Variants in CALN1 observed in about 807,000 individuals in gnomAD.
CALN1 encodes calneuron 1.
CALN1 carries 17 observed loss-of-function variants against 30.6 expected under a neutral mutation model. The ratio of observed to expected loss-of-function variants is 0.56; its 90% CI spans 0.38 to 0.83. The LOEUF (loss-of-function observed/expected upper bound fraction) is 0.83, where lower values mean the gene tolerates loss of function less well. CALN1 is among the 40% of genes least tolerant of loss of function. CALN1 has a pLI of 0.00. For synonymous variants in CALN1, 156 were observed against 131.4 expected (o/e 1.19, Z -1.28); for missense variants, 291 against 354.9 (o/e 0.82, Z 1.45).
rs918804901 is a variant in CALN1 at position 72,028,210 on chromosome 7, A to C, written c.389-4441T>G. 6.6e-5 allele frequency among the ~76,000 whole-genome samples: 10 copies of C among 152,210 alleles called. No homozygotes were observed. The South Asian group carries it at 1.7e-3, about 25-fold the overall frequency. ...TGTGGCAAAACCCATGCTTGCCAGCACCAGGAGAACGAGGCTGTCTTTGAA... is the reference window on the plus strand; with the variant it reads ...TGTGGCAAAACCCATGCTTGCCAGCCCCAGGAGAACGAGGCTGTCTTTGAA... On this transcript the variant is annotated intron_variant, in intron 4 of 6. Coordinates refer to ENST00000395275, the MANE Select transcript of CALN1 (RefSeq NM_031468.4).
At chr7:72,386,972 G>C (rs79906821) in intron 2 of CALN1, among the ~76,000 whole-genome samples, 8,589 of 151,254 alleles carry the variant, frequency 0.057, 314 homozygotes, top group South Asian at 0.11. Flanking sequence ...AGGGGACCTA[G>C]AAATAACAAT....
At chr7:72,402,219 C>A (rs1345554792) in intron 2 of CALN1, among the ~76,000 whole-genome samples, 1 of 152,196 alleles carries the variant, frequency 6.6e-6, no homozygotes. Flanking sequence ...CTGCCCTTGA[C>A]TTCTCAAATG....
At chr7:71,834,644 T>G (rs114069665) in intron 5 of CALN1, among the ~76,000 whole-genome samples, 2,882 of 152,294 alleles carry the variant, frequency 0.019, 100 homozygotes, top group African/African-American at 0.065. Context: ...GCACCAGTTT[T>G]AGTTCCCAGG....
intron 2 of CALN1, among the ~76,000 whole-genome samples, chr7:72,360,606 A>G (rs908304494): frequency 6.9e-6 from 1 of 145,186 alleles, no homozygotes; most frequent in Admixed American, 6.9e-5. Flanking sequence ...TTTCTTTTCT[A>G]TTTTTTTTTT....
intron 3 of CALN1, among the ~76,000 whole-genome samples, chr7:72,226,797 CT>C (rs1793707679): frequency 6.6e-6 from 1 of 152,176 alleles, no homozygotes; most frequent in Admixed American, 6.5e-5. Flanking sequence ...AATTCCAGCA[CT>C]TTGGGAGGCC....
At chr7:71,849,436 ATTTTT>A (rs3063933) in intron 5 of CALN1, among the ~76,000 whole-genome samples, 5 of 140,270 alleles carry the variant, frequency 3.6e-5, no homozygotes, top group African/African-American at 7.9e-5. Flanking sequence ...GGATCTTCCT[ATTTTT>A]TTTTTTTTTT....
Position 71,975,815 on chromosome 7 carries a change from C to T in CALN1, c.501+47842G>A, listed in dbSNP as rs555793474. ...CATGCCCCTTAATCCTCCCTCCATG[C>T]ACTAACTTTCACTCTCTTGCTCTTC... On this transcript the variant is annotated intron_variant, in intron 5 of 6. Transcript: ENST00000395275. Among the ~76,000 whole-genome samples the T allele has an allele frequency of 2.0e-5, 3 of 151,606 alleles. No homozygotes were observed. The South Asian group carries it at 6.3e-4, about 32-fold the overall frequency.
chr7:71,833,886 C>A (rs892263001), intron 5 of CALN1, among the ~76,000 whole-genome samples: 1 of 151,938 alleles, frequency 6.6e-6, no homozygotes, highest in South Asian at 2.1e-4. Context: ...CTAGCCTGGG[C>A]AGCAAAGTGA....
chr7:72,431,812 T>C (rs1807987828), intron 1 of CALN1, among the ~76,000 whole-genome samples: 2 of 130,972 alleles, frequency 1.5e-5, no homozygotes, highest in Admixed American at 8.7e-5. Context: ...ATTACACTAC[T>C]CCAACTGGGG....
intron 3 of CALN1, among the ~76,000 whole-genome samples, chr7:72,130,456 T>C (rs1809062441): frequency 1.3e-5 from 2 of 152,228 alleles, no homozygotes; most frequent in South Asian, 4.2e-4. Flanking sequence ...GATGGGTCGG[T>C]GGTATAGTGG....
In CALN1 at chr7:71,977,407, T is replaced by G. The variant is rs191205165; in HGVS notation, c.501+46250A>C. 7.2e-3 allele frequency among the ~76,000 whole-genome samples: 1,100 copies of G among 151,886 alleles called. 12 individuals carry two copies. Among genetic ancestry groups the G allele is most frequent in the Non-Finnish European group, 0.012 (805 of 67,900 alleles). On this transcript the variant is annotated intron_variant, in intron 5 of 6. Coordinates refer to ENST00000395275, the MANE Select transcript of CALN1 (RefSeq NM_031468.4). ...CTTTGATGGCACCACTGCACTCCAG[T>G]CTGGGCAACACAGCAAGACCCTGTT...
At chr7:72,015,548 C>T (rs1800330482) in intron 5 of CALN1, among the ~76,000 whole-genome samples, 1 of 151,844 alleles carries the variant, frequency 6.6e-6, no homozygotes, top group South Asian at 2.1e-4. Context: ...CCGACAATGT[C>T]CTCACCTCAG....
chr7:71,971,118 G>A (rs1327180767), intron 5 of CALN1, among the ~76,000 whole-genome samples: 1 of 152,168 alleles, frequency 6.6e-6, no homozygotes, highest in Non-Finnish European at 1.5e-5. Context: ...AGTAATGAGT[G>A]TGTCTGCTGG....
At chr7:72,361,593 A>G (rs975877449) in intron 2 of CALN1, among the ~76,000 whole-genome samples, 15 of 152,240 alleles carry the variant, frequency 9.9e-5, no homozygotes, top group African/African-American at 3.4e-4. Context: ...GTTTACCATA[A>G]TATCATACAC....
intron 5 of CALN1, among the ~76,000 whole-genome samples, chr7:71,923,051 C>T (rs6460695): frequency 0.47 from 71,695 of 151,024 alleles, 17,444 homozygotes; most frequent in East Asian, 0.53. Flanking sequence ...TACTATACAG[C>T]CAGCACATCC....
Position 72,106,137 on chromosome 7 carries a change from T to C in CALN1, c.388+14A>G, listed in dbSNP as rs758972890. On this transcript the variant is annotated intron_variant, in intron 4 of 6. Transcript: ENST00000395275. ...GGCATGTCTCAGGGGAGAAGCTGCT[T>C]GTCCGGGTCTTACCGTCCATGTCCA... is the stretch of plus-strand genomic sequence containing the variant. The C allele has an allele frequency of 3.1e-6, 5 of 1,612,200 alleles. No individual in the cohort carries two copies. The highest frequency in any genetic ancestry group is 4.2e-6 in the Non-Finnish European group (5 of 1,179,092).
chr7:72,033,018 T>C (rs1801559518), intron 4 of CALN1, among the ~76,000 whole-genome samples: 1 of 152,242 alleles, frequency 6.6e-6, no homozygotes, highest in Non-Finnish European at 1.5e-5. Flanking sequence ...CACTCTTGAA[T>C]GAGCAAGTAG....
At chr7:72,389,653 C>T (rs1219237329) in intron 2 of CALN1, among the ~76,000 whole-genome samples, 1 of 152,202 alleles carries the variant, frequency 6.6e-6, no homozygotes, top group Non-Finnish European at 1.5e-5. Context: ...AGCTTGGTGG[C>T]TTGTGCCTGT....
chr7:72,003,691 T>C (rs1397881182), intron 5 of CALN1, among the ~76,000 whole-genome samples: 2 of 152,186 alleles, frequency 1.3e-5, no homozygotes, highest in African/African-American at 4.8e-5. Flanking sequence ...GATGGGACTG[T>C]CTAGTTGCAG....
Sources: allele counts gnomAD v4.1 joint callset (sites outside exome capture counted in the v4.1 genomes callset), GRCh38; gene constraint gnomAD v4.1.1; transcripts MANE v1.5; gene names NCBI Gene and HGNC (gene_info 2026-07-23, HGNC 2026-07-21).